Variants in PATJ observed in about 807,000 individuals in gnomAD.
The protein encoded by PATJ is PATJ crumbs cell polarity complex component.
PATJ carries 190 observed loss-of-function variants against 224.9 expected under a neutral mutation model. The ratio of observed to expected loss-of-function variants is 0.84; its 90% confidence interval spans 0.75 to 0.95. The LOEUF (loss-of-function observed/expected upper bound fraction) is 0.95. PATJ is among the 40% of genes least tolerant of loss of function. PATJ has a pLI of 0.00. For synonymous variants in PATJ, 769 were observed against 820.3 expected (o/e 0.94, Z 1.07); for missense variants, 2,121 against 2,270.3 (o/e 0.93, Z 1.34).
Position 61,864,402 on chromosome 1 carries a change from A to T in PATJ, c.2604A>T (p.Arg868Ser), listed in dbSNP as rs777995482. ...GATTGCAGGAAATGGATGAAGAAAG[A>T]GAAATTCTTGTTGATGAAGAATATG... ...TPRLQEMDEE[R>S]EILVDEEYEL... The change falls in exon 20 of 44, where the codon AGA becomes AGT. Residue 868 changes from arginine to serine, a missense_variant. Arg to Ser is a moderately radical substitution (Grantham distance 110). Coordinates refer to ENST00000642238, the MANE Select transcript of PATJ (RefSeq NM_001350145.3). 4 of 1,613,998 alleles carry T rather than the reference A, an allele frequency of 2.5e-6. No individual in the cohort carries two copies. Among genetic ancestry groups the T allele is most frequent in the Non-Finnish European group, 2.5e-6 (3 of 1,179,824 alleles).
chr1:62,138,201 T>C (rs1244331686), intron 41 of PATJ, among the ~76,000 whole-genome samples: 1 of 152,196 alleles, frequency 6.6e-6, no homozygotes, highest in African/African-American at 2.4e-5. Context: ...GTAACTTTAA[T>C]GGTGATGCAA....
At chr1:61,828,369 T>C (rs984971971) in intron 16 of PATJ, among the ~76,000 whole-genome samples, 2 of 151,716 alleles carry the variant, frequency 1.3e-5, no homozygotes, top group African/African-American at 4.8e-5. Flanking sequence ...TATTTATTTA[T>C]TTTTTTAAAG....
intron 39 of PATJ, among the ~76,000 whole-genome samples, chr1:62,124,731 G>A (rs1665493021): frequency 6.6e-6 from 1 of 152,064 alleles, no homozygotes; most frequent in African/African-American, 2.4e-5. Flanking sequence ...GTAGCCACAC[G>A]TGGCCTTTTT....
At chr1:61,806,828 A>G (rs1302832315) in intron 13 of PATJ, among the ~76,000 whole-genome samples, 2 of 152,072 alleles carry the variant, frequency 1.3e-5, no homozygotes, top group African/African-American at 4.8e-5. Flanking sequence ...ACAAATGGCC[A>G]GTTTTATGAT....
chr1:62,002,116 A>G (rs1645808969), intron 28 of PATJ, among the ~76,000 whole-genome samples: 1 of 152,130 alleles, frequency 6.6e-6, no homozygotes, highest in African/African-American at 2.4e-5. Context: ...ACCAAGTTCC[A>G]TCTTCTTGTT....
intron 22 of PATJ, among the ~76,000 whole-genome samples, chr1:61,889,815 A>G (rs923276151): frequency 3.9e-5 from 6 of 152,242 alleles, no homozygotes; most frequent in Non-Finnish European, 7.3e-5. Context: ...GATTTTTGCC[A>G]TTACTGCAGT....
At chr1:62,068,635 C>G (rs1656882657) in intron 31 of PATJ, among the ~76,000 whole-genome samples, 1 of 152,216 alleles carries the variant, frequency 6.6e-6, no homozygotes, top group South Asian at 2.1e-4. Context: ...GATTGTCCAG[C>G]TTTGGGACAG....
At chr1:61,825,570 G>A (rs1469483684) in intron 15 of PATJ, among the ~76,000 whole-genome samples, 1 of 151,932 alleles carries the variant, frequency 6.6e-6, no homozygotes, top group Non-Finnish European at 1.5e-5. Flanking sequence ...ATATGCTTTG[G>A]GGTTAGAACA....
chr1:62,014,254 T>A (rs953893344), intron 28 of PATJ, among the ~76,000 whole-genome samples: 3 of 151,878 alleles, frequency 2.0e-5, no homozygotes, highest in Non-Finnish European at 4.4e-5. Context: ...AGAGACAGGG[T>A]CTTTCTGTGT....
chr1:62,029,375 C>T (rs1340263962), intron 29 of PATJ, among the ~76,000 whole-genome samples: 2 of 152,164 alleles, frequency 1.3e-5, no homozygotes, highest in Non-Finnish European at 2.9e-5. Flanking sequence ...TTCCCTGAAG[C>T]ATGAGTATGT....
Position 61,908,363 on chromosome 1 carries a change from G to A in PATJ, c.3382-9G>A. 6.3e-7 allele frequency: 1 copy of A among 1,591,744 alleles called. No individual in the cohort carries two copies. Among genetic ancestry groups the A allele is most frequent in the Non-Finnish European group, 8.6e-7 (1 of 1,159,736 alleles). On this transcript the variant is annotated splice_polypyrimidine_tract_variant and intron_variant, in intron 24 of 43. Transcript: ENST00000642238. ...GTTCTAATTGAAATAACTTGCTTCT[G>A]TGTTTCAGGTGTCTGGAGTAGATTT...
chr1:61,888,663 G>T (rs948661128), intron 22 of PATJ, among the ~76,000 whole-genome samples: 5 of 152,190 alleles, frequency 3.3e-5, no homozygotes, highest in Admixed American at 6.5e-5. Context: ...CTGTAGAATT[G>T]TAACTGTAGA....
chr1:61,891,830 A>T (rs982014686), intron 22 of PATJ, among the ~76,000 whole-genome samples: 1 of 152,172 alleles, frequency 6.6e-6, no homozygotes, highest in African/African-American at 2.4e-5. Flanking sequence ...CATTCATGTA[A>T]TATACACTCC....
chr1:62,115,761 T>G (rs770386077), intron 35 of PATJ, among the ~76,000 whole-genome samples: 1 of 151,648 alleles, frequency 6.6e-6, no homozygotes, highest in South Asian at 2.1e-4. Flanking sequence ...CACAGACCTC[T>G]GGTGACTAGC....
chr1:61,827,548 C>T lies in PATJ; in HGVS notation c.1945C>T (p.Pro649Ser). 1.2e-6 allele frequency: 2 copies of T among 1,613,906 alleles called. No homozygotes were observed. Among genetic ancestry groups the T allele is most frequent in the Non-Finnish European group, 1.7e-6 (2 of 1,179,942 alleles). Residue 649 changes from proline to serine, a missense_variant, in exon 16 of 44, where the codon CCA (proline) becomes TCA (serine). Physicochemically the swap from Pro to Ser is moderately conservative, Grantham distance 74. Coordinates refer to ENST00000642238, the MANE Select transcript of PATJ (RefSeq NM_001350145.3). ...TGATGATGAAGCTTCTGTAGATGAA[C>T]CAAGGCGCACTGAAACCTCTCTTCC... Reference protein sequence around the residue: ...LFDDEASVDEPRRTETSLPET... With the variant: ...LFDDEASVDESRRTETSLPET...
At chr1:61,884,105 A>T in intron 21 of PATJ, 132 bp from the exon 22 acceptor site, 1 of 514,484 alleles carries the variant, frequency 1.9e-6, no homozygotes, top group Non-Finnish European at 3.4e-6. Context: ...GCCTTTATTT[A>T]TTTACTTTAA....
chr1:62,030,266 C>A (rs1648959643), intron 29 of PATJ, among the ~76,000 whole-genome samples: 1 of 152,152 alleles, frequency 6.6e-6, no homozygotes, highest in African/African-American at 2.4e-5. Context: ...ATCACAAAGC[C>A]ATAAAACATT....
In PATJ at chr1:61,866,491, AC is replaced by A. The variant is rs1248037951; in HGVS notation, c.2835+1859del. ...CAGTATCTACATTATCACTAGAATCACTTTTTGATCGTTTAACACAGCTTTC... is the reference window on the plus strand; with the variant it reads ...CAGTATCTACATTATCACTAGAATCATTTTTGATCGTTTAACACAGCTTTC... On this transcript the variant is annotated intron_variant, in intron 20 of 43. Coordinates refer to ENST00000642238, the MANE Select transcript of PATJ (RefSeq NM_001350145.3). Among the ~76,000 whole-genome samples, 9 of 152,298 alleles carry A rather than the reference AC, an allele frequency of 5.9e-5. No homozygotes were observed. In the East Asian group the frequency reaches 7.7e-4, roughly 13 times the overall value.
Position 61,771,420 on chromosome 1 carries a change from A to T in PATJ, c.525-11A>T. 2 of 1,531,668 alleles carry T rather than the reference A, an allele frequency of 1.3e-6. No homozygotes were observed. The highest frequency in any genetic ancestry group is 1.3e-5 in the South Asian group (1 of 78,630). 94.9% of individuals were successfully genotyped at this position (1,531,668 alleles called of 1,614,324 possible). A position where few individuals can be genotyped will look rare whatever the true frequency, so the allele number is the denominator to read the frequency against. ...GATCACTTAAAAAATTTCTTTTCTT[A>T]CATGATTAAGGGATCAAAGATTAAA... On this transcript the variant is annotated splice_polypyrimidine_tract_variant and intron_variant, in intron 5 of 43. Coordinates refer to ENST00000642238, the MANE Select transcript of PATJ (RefSeq NM_001350145.3).
Sources: gnomAD v4.1 joint callset for allele counts (sites outside exome capture counted in the v4.1 genomes callset) on GRCh38, gnomAD v4.1.1 for gene constraint, MANE v1.5 for transcripts, NCBI Gene and HGNC (gene_info 2026-07-23, HGNC 2026-07-21) for gene names.